The following ERICH3 variants were observed in gnomAD, a reference collection of about 807,000 sequenced individuals.
ERICH3 encodes glutamate-rich protein 3.
In ERICH3, 126 loss-of-function variants were observed where a neutral mutation model predicts 131.1. The observed-to-expected ratio is 0.96, with a 90% CI of 0.83 to 1.11. The LOEUF (loss-of-function observed/expected upper bound fraction) is 1.11, where lower values mean the gene tolerates loss of function less well. Ranked by LOEUF, ERICH3 falls within the 50% of genes most tolerant of loss-of-function variation. ERICH3 has a pLI of 0.00. For synonymous variants in ERICH3, 695 were observed against 644.6 expected, an observed-to-expected ratio of 1.08 and a Z score of -1.18; for missense variants, 2,050 against 1,810.7, an observed-to-expected ratio of 1.13 and a Z score of -2.40.
chr1:74,622,607 G>C (rs773448187), intron 7 of ERICH3: 1 of 152,212 alleles, frequency 6.6e-6, no homozygotes, highest in Non-Finnish European at 1.5e-5. Flanking sequence ...TTAAATAAAA[G>C]CATCCCCCTT....
intron 7 of ERICH3, among the ~76,000 whole-genome samples, chr1:74,628,048 T>C (rs1649475156): frequency 6.6e-6 from 1 of 152,186 alleles, no homozygotes; most frequent in African/African-American, 2.4e-5. Flanking sequence ...TAGTACATAC[T>C]GTACTGCTGT....
intron 1 of ERICH3, among the ~76,000 whole-genome samples, chr1:74,650,834 C>CTGTGTGTGTG (rs5775252): frequency 3.7e-4 from 54 of 146,116 alleles, no homozygotes; most frequent in South Asian, 1.6e-3. Context: ...GAGGGGACTA[C>CTGTGTGTGTG]TGTGTGTGTG....
chr1:74,573,963 AATT>A (rs1411275491), intron 13 of ERICH3, among the ~76,000 whole-genome samples: 1 of 151,416 alleles, frequency 6.6e-6, no homozygotes, highest in Non-Finnish European at 1.5e-5. Context: ...TCTTCATATA[AATT>A]ATTATTTTAT....
intron 1 of ERICH3, among the ~76,000 whole-genome samples, chr1:74,667,873 G>C (rs969618070): frequency 6.6e-6 from 1 of 152,062 alleles, no homozygotes; most frequent in African/African-American, 2.4e-5. Context: ...TTGAGGGAGG[G>C]ACCTGGTAGG....
At chr1:74,605,960 G>A (rs1648368617) in intron 10 of ERICH3, among the ~76,000 whole-genome samples, 1 of 137,898 alleles carries the variant, frequency 7.3e-6, no homozygotes, top group Non-Finnish European at 1.5e-5. Flanking sequence ...AAAATGAGAT[G>A]TGCCTGCATA....
chr1:74,573,910 T>A (rs916863794), intron 13 of ERICH3, among the ~76,000 whole-genome samples: 1 of 151,940 alleles, frequency 6.6e-6, no homozygotes, highest in East Asian at 1.9e-4. Flanking sequence ...TTAGAAATAA[T>A]AATAAGTGGA....
At position 74,659,531 on chromosome 1, in the gene ERICH3, G is replaced by A. The variant is rs531953352; in HGVS notation, c.24-10216C>T. On this transcript the variant is annotated intron_variant, in intron 1 of 14. Coordinates refer to ENST00000326665, the MANE Select transcript of ERICH3 (RefSeq NM_001002912.5). Reference sequence around the variant, plus strand: ...TAAACCCAAAGTGCTTATGTGCCTGGCCTCGTACTATCCCAAGGTTACAAA... The same window carrying A: ...TAAACCCAAAGTGCTTATGTGCCTGACCTCGTACTATCCCAAGGTTACAAA... Among the ~76,000 whole-genome samples the A allele has an allele frequency of 3.3e-5, 5 of 152,266 alleles. No homozygotes were observed. In the South Asian group the frequency reaches 1.0e-3, roughly 32 times the overall value.
intron 1 of ERICH3, among the ~76,000 whole-genome samples, chr1:74,658,539 G>GAA (rs57695006): frequency 6.7e-6 from 1 of 149,532 alleles, no homozygotes; most frequent in African/African-American, 2.5e-5. Context: ...TGTGCATTTG[G>GAA]AAAAAAAAAT....
At chr1:74,594,209 A>G (rs1647738389) in intron 11 of ERICH3, among the ~76,000 whole-genome samples, 1 of 152,144 alleles carries the variant, frequency 6.6e-6, no homozygotes. Context: ...ATGAAAATAT[A>G]CATGTTATTC....
Position 74,572,162 on chromosome 1 carries a change from C to T in ERICH3, c.3548G>A (p.Ser1183Asn). ...TTTGTGCTCTGTGTCTCTGGCTTCA[C>T]TCAGTCTTTCCCCTCCTCCTTCTTT... ...LRKEGGGERLSEARDTEHKDR... is the reference protein window; with the variant it reads ...LRKEGGGERLNEARDTEHKDR... The change falls in exon 14 of 15, where the codon AGT becomes AAT. Residue 1183 changes from serine to asparagine, a missense_variant. Ser to Asn is a conservative substitution (Grantham distance 46). Coordinates refer to ENST00000326665, the MANE Select transcript of ERICH3 (RefSeq NM_001002912.5). 6.2e-7 allele frequency: 1 copy of T among 1,612,858 alleles called. No homozygotes were observed. The highest frequency in any genetic ancestry group is 1.1e-5 in the South Asian group (1 of 90,968).
Position 74,572,572 on chromosome 1 carries a change from C to A in ERICH3, c.3138G>T (p.Arg1046Ser). The change falls in exon 14 of 15, where the codon AGG (arginine) becomes AGT (serine). Residue 1046 changes from arginine to serine, a missense_variant. Transcript: ENST00000326665. Reference sequence around the variant, plus strand: ...CTAATTCCTTGGGTAAAATTTCTTTCCTATCATCTTCCCTATTAGCTTCTG... The same window carrying A: ...CTAATTCCTTGGGTAAAATTTCTTTACTATCATCTTCCCTATTAGCTTCTG... ...TEAEANREDD[R>S]KEILPKELDL... 1.2e-6 allele frequency: 2 copies of A among 1,613,998 alleles called. No individual in the cohort carries two copies. The highest frequency in any genetic ancestry group is 1.7e-6 in the Non-Finnish European group (2 of 1,179,994).
chr1:74,572,964 G>A lies in ERICH3; in HGVS notation c.2746C>T (p.Leu916Phe), dbSNP rs114682824. Residue 916 changes from leucine to phenylalanine, a missense_variant, in exon 14 of 15, where the codon CTT becomes TTT. By Grantham distance (22) the Leu-to-Phe change is conservative. Transcript: ENST00000326665. ...NEAAALNLEH[L>F]HEVAALREAA... The stretch of plus-strand genomic sequence containing the variant: ...TCTCTCAGGGCTGCTACTTCATGAA[G>A]ATGCTCCAAGTTCAGGGCTGCTGCT... 9.5e-4 allele frequency: 1,530 copies of A among 1,614,054 alleles called. 10 individuals carry two copies. In the African/African-American group the frequency reaches 0.017, roughly 18 times the overall value.
intron 1 of ERICH3, among the ~76,000 whole-genome samples, chr1:74,650,994 T>G (rs1252018452): frequency 1.3e-5 from 2 of 151,888 alleles, no homozygotes; most frequent in African/African-American, 4.8e-5. Context: ...AGCTTAAAGA[T>G]AGTCCAAACG....
chr1:74,581,110 AT>A (rs1270055707), intron 12 of ERICH3, among the ~76,000 whole-genome samples: 2 of 152,230 alleles, frequency 1.3e-5, no homozygotes, highest in East Asian at 1.9e-4. Flanking sequence ...AAATTAATGA[AT>A]TTTTTTCAAA....
chr1:74,570,546 A>T (rs993126945), intron 14 of ERICH3, 107 bp from the exon 15 acceptor site: 2 of 152,318 alleles, frequency 1.3e-5, no homozygotes, highest in Non-Finnish European at 2.9e-5. Flanking sequence ...ATATGCAAAA[A>T]ATAATTTTAG....
At chr1:74,644,728 T>C (rs1646466792) in intron 3 of ERICH3, among the ~76,000 whole-genome samples, 2 of 152,168 alleles carry the variant, frequency 1.3e-5, no homozygotes, top group East Asian at 1.9e-4. Flanking sequence ...CCTTTGGCAA[T>C]AGCTTCCTAA....
In ERICH3 at chr1:74,673,522, T is replaced by C. The variant is rs777963799; in HGVS notation, c.-3A>G. ...CCAGCGGGGTGAGAATGGCTCATTT[T>C]TGCAGGATCCCTTTTGGACCCCGCG... On this transcript the variant is annotated 5_prime_UTR_variant, in exon 1 of 15. Coordinates refer to ENST00000326665, the MANE Select transcript of ERICH3 (RefSeq NM_001002912.5). The C allele has an allele frequency of 3.7e-6, 6 of 1,613,208 alleles. No homozygotes were observed. The East Asian group carries it at 1.1e-4, about 30-fold the overall frequency.
At chr1:74,598,270 C>T (rs1348189860) in intron 11 of ERICH3, among the ~76,000 whole-genome samples, 4 of 151,582 alleles carry the variant, frequency 2.6e-5, no homozygotes, top group African/African-American at 9.7e-5. Context: ...TTTATGGTCT[C>T]GCATTGAAAA....
Position 74,643,018 on chromosome 1 carries a change from A to C in ERICH3, c.315+9T>G, listed in dbSNP as rs924741334. 6.9e-6 allele frequency: 11 copies of C among 1,587,512 alleles called. No homozygotes were observed. The highest frequency in any genetic ancestry group is 3.4e-4 in the Middle Eastern group (2 of 5,968). ...CTATGAAGTAAAAGAGAGTTATATA[A>C]CTCCTTACCTTAAACCTCTGGATTC... On this transcript the variant is annotated intron_variant, in intron 4 of 14. Transcript: ENST00000326665.
Sources: allele counts gnomAD v4.1 joint callset (sites outside exome capture counted in the v4.1 genomes callset), GRCh38; gene constraint gnomAD v4.1.1; transcripts MANE v1.5; gene names NCBI Gene and HGNC (gene_info 2026-07-23, HGNC 2026-07-21).